SGCZ: variants seen among roughly 807,000 people sequenced by gnomAD.
SGCZ encodes the protein sarcoglycan zeta.
A neutral mutation model predicts 41.3 loss-of-function variants in SGCZ; 40 were observed. That is an observed-to-expected ratio of 0.97 (90% CI 0.75 to 1.26). SGCZ has a LOEUF of 1.26. Among genes scored for constraint, SGCZ ranks in the 50% most tolerant of loss-of-function variants. The pLI, the probability that SGCZ is intolerant of heterozygous loss-of-function variation, is 0.00. For missense variants in SGCZ, 552 were observed against 369.8 expected, an observed-to-expected ratio of 1.49 and a Z score of -4.04; for synonymous variants, 206 against 137.5, an observed-to-expected ratio of 1.50 and a Z score of -3.49.
intron 1 of SGCZ, among the ~76,000 whole-genome samples, chr8:14,638,349 C>G (rs1806905042): frequency 6.6e-6 from 1 of 151,708 alleles, no homozygotes; most frequent in Non-Finnish European, 1.5e-5. Context: ...TCTCTCTGCC[C>G]CTACCTGAGT....
intron 1 of SGCZ, among the ~76,000 whole-genome samples, chr8:15,080,146 G>A (rs923360558): frequency 1.4e-4 from 21 of 152,230 alleles, no homozygotes; most frequent in Non-Finnish European, 2.9e-4. Flanking sequence ...TTGCAGTGGA[G>A]GCAGAGAGGG....
Position 14,090,490 on chromosome 8 carries a change from C to T in SGCZ, c.892G>A (p.Val298Ile), listed in dbSNP as rs775592639. 8 of 1,613,050 alleles carry T rather than the reference C, an allele frequency of 5.0e-6. No individual in the cohort carries two copies. Among genetic ancestry groups the T allele is most frequent in the Non-Finnish European group, 5.9e-6 (7 of 1,179,386 alleles). Residue 298 changes from valine to isoleucine, a missense_variant, in exon 8 of 8, where the codon GTA (valine) becomes ATA (isoleucine). Coordinates refer to ENST00000382080, the MANE Select transcript of SGCZ (RefSeq NM_139167.4). ...CTACTGGACTGACAAGTGGAACCTA[C>T]TCCTGCTGGAGAAAGGTAAAGTTTG... ...NGKLYLSPAG[V>I]GSTCQSSSNI...
At chr8:14,938,646 A>G (rs959782805) in intron 1 of SGCZ, among the ~76,000 whole-genome samples, 1 of 152,096 alleles carries the variant, frequency 6.6e-6, no homozygotes, top group Non-Finnish European at 1.5e-5. Flanking sequence ...TAAAAGTTCT[A>G]TGTCCATGGA....
chr8:14,828,241 A>C (rs1802405830), intron 1 of SGCZ, among the ~76,000 whole-genome samples: 1 of 152,224 alleles, frequency 6.6e-6, no homozygotes, highest in African/African-American at 2.4e-5. Flanking sequence ...CATTTTAAGA[A>C]GGGATGAGAT....
At chr8:15,113,216 A>AC (rs971642277) in intron 1 of SGCZ, among the ~76,000 whole-genome samples, 5 of 151,994 alleles carry the variant, frequency 3.3e-5, no homozygotes, top group African/African-American at 1.2e-4. Flanking sequence ...TCAAAAAAAA[A>AC]AAAAAACAAA....
chr8:14,849,191 T>C (rs1304717813), intron 1 of SGCZ, among the ~76,000 whole-genome samples: 2 of 152,130 alleles, frequency 1.3e-5, no homozygotes, highest in African/African-American at 4.8e-5. Flanking sequence ...GTGTTAAATA[T>C]GTAGTGGAAC....
At chr8:15,132,647 A>C (rs766003612) in intron 1 of SGCZ, among the ~76,000 whole-genome samples, 2 of 152,188 alleles carry the variant, frequency 1.3e-5, no homozygotes, top group Non-Finnish European at 2.9e-5. Context: ...ACTCTAAAAA[A>C]TTTAACGAGT....
At chr8:14,886,292 G>C (rs1804802293) in intron 1 of SGCZ, among the ~76,000 whole-genome samples, 1 of 151,544 alleles carries the variant, frequency 6.6e-6, no homozygotes, top group South Asian at 2.1e-4. Context: ...GAATAAACTA[G>C]CAAAAATCCC....
At chr8:14,858,965 A>G (rs1201219189) in intron 1 of SGCZ, among the ~76,000 whole-genome samples, 1 of 152,146 alleles carries the variant, frequency 6.6e-6, no homozygotes, top group Non-Finnish European at 1.5e-5. Context: ...TCCTTTGATT[A>G]TAGATTTACT....
At chr8:14,819,723 T>G (rs897957713) in intron 1 of SGCZ, among the ~76,000 whole-genome samples, 9 of 152,092 alleles carry the variant, frequency 5.9e-5, no homozygotes, top group African/African-American at 1.7e-4. Flanking sequence ...AACAAAAATA[T>G]TCATTGTAGA....
chr8:15,169,116 C>A (rs1245733910), intron 1 of SGCZ, among the ~76,000 whole-genome samples: 2 of 152,350 alleles, frequency 1.3e-5, no homozygotes, highest in East Asian at 3.9e-4. Context: ...ATGGCCCCTG[C>A]TGGGAACCCT....
intron 7 of SGCZ, among the ~76,000 whole-genome samples, chr8:14,093,094 C>A (rs1801738339): frequency 6.6e-6 from 1 of 152,072 alleles, no homozygotes; most frequent in Non-Finnish European, 1.5e-5. Flanking sequence ...ATAGCTCTCT[C>A]CAGCTGTTTC....
At chr8:14,469,904 T>C (rs935385892) in intron 2 of SGCZ, among the ~76,000 whole-genome samples, 1 of 152,178 alleles carries the variant, frequency 6.6e-6, no homozygotes, top group Non-Finnish European at 1.5e-5. Context: ...ATTTATCTAA[T>C]TCTTTTGTAA....
At chr8:15,028,302 T>C (rs889183188) in intron 1 of SGCZ, among the ~76,000 whole-genome samples, 1 of 152,092 alleles carries the variant, frequency 6.6e-6, no homozygotes, top group Non-Finnish European at 1.5e-5. Context: ...TTCCTTGTTT[T>C]CTTCTGACGT....
chr8:14,904,988 G>C (rs912616790), intron 1 of SGCZ, among the ~76,000 whole-genome samples: 6 of 151,650 alleles, frequency 4.0e-5, no homozygotes, highest in Admixed American at 2.0e-4. Flanking sequence ...CTTAAGTCTT[G>C]CCTAACACAA....
chr8:15,124,250 C>T (rs1473396553), intron 1 of SGCZ, among the ~76,000 whole-genome samples: 4 of 151,866 alleles, frequency 2.6e-5, no homozygotes, highest in Non-Finnish European at 4.4e-5. Flanking sequence ...GAGCCTGCTC[C>T]AATATTTTAA....
At chr8:14,783,451 A>C (rs1330584777) in intron 1 of SGCZ, among the ~76,000 whole-genome samples, 1 of 151,950 alleles carries the variant, frequency 6.6e-6, no homozygotes, top group Non-Finnish European at 1.5e-5. Flanking sequence ...AAAAAGAAGG[A>C]AAGAAAAGGA....
At chr8:14,990,658 A>C (rs1801982864) in intron 1 of SGCZ, among the ~76,000 whole-genome samples, 1 of 151,944 alleles carries the variant, frequency 6.6e-6, no homozygotes, top group South Asian at 2.1e-4. Context: ...TACATTTTGG[A>C]GAGTTGTATA....
intron 1 of SGCZ, among the ~76,000 whole-genome samples, chr8:14,726,893 A>G (rs1810074200): frequency 6.6e-6 from 1 of 152,174 alleles, no homozygotes; most frequent in African/African-American, 2.4e-5. Context: ...TTCAACAAAT[A>G]GCAAAGAAAG....
Sources: allele counts gnomAD v4.1 joint callset (sites outside exome capture counted in the v4.1 genomes callset), GRCh38; gene constraint gnomAD v4.1.1; transcripts MANE v1.5; gene names NCBI Gene and HGNC (gene_info 2026-07-23, HGNC 2026-07-21).